Variants in PIGG observed in about 807,000 individuals in gnomAD.
PIGG encodes the protein phosphatidylinositol glycan anchor biosynthesis class G (EMM blood group).
PIGG carries 70 observed loss-of-function variants against 83.2 expected under a neutral mutation model. That is an observed-to-expected ratio of 0.84 (90% CI 0.69 to 1.03). PIGG has a LOEUF of 1.03. Ranked by LOEUF, PIGG falls within the 50% of genes least tolerant of loss-of-function variation. The pLI is 0.00. For missense variants in PIGG, 1,257 were observed against 1,233.6 expected (o/e 1.02, Z -0.28); for synonymous variants, 532 against 519.5 (o/e 1.02, Z -0.33).
At chr4:507,951 C>T (rs1720405535) in intron 4 of PIGG, among the ~76,000 whole-genome samples, 1 of 151,366 alleles carries the variant, frequency 6.6e-6, no homozygotes, top group Non-Finnish European at 1.5e-5. Flanking sequence ...GTGTCACTCT[C>T]TCTTCTGTGT....
At chr4:537,291 G>A (rs1259263568) in intron 12 of PIGG, 4 of 152,022 alleles carry the variant, frequency 2.6e-5, no homozygotes, top group South Asian at 2.1e-4. Flanking sequence ...CTGGCACCCC[G>A]GGCTGCCTGC....
chr4:509,593 G>C (rs1283946869), intron 5 of PIGG, among the ~76,000 whole-genome samples: 1 of 152,250 alleles, frequency 6.6e-6, no homozygotes, highest in African/African-American at 2.4e-5. Flanking sequence ...TCTGCCGTCA[G>C]GCACAGCAGA....
At chr4:510,571 G>A (rs1721563371) in intron 5 of PIGG, among the ~76,000 whole-genome samples, 1 of 152,228 alleles carries the variant, frequency 6.6e-6, no homozygotes, top group African/African-American at 2.4e-5. Flanking sequence ...CATCTTGAAT[G>A]TCTGACCTGA....
At chr4:519,360 G>A (rs1247065162) in intron 6 of PIGG, among the ~76,000 whole-genome samples, 3 of 152,226 alleles carry the variant, frequency 2.0e-5, no homozygotes, top group African/African-American at 2.4e-5. Flanking sequence ...TATTTGTTTC[G>A]ATGCATGCAC....
chr4:533,982 G>T lies in PIGG; in HGVS notation c.2735+1G>T. 3 of 1,613,786 alleles carry T rather than the reference G, an allele frequency of 1.9e-6. No homozygotes were observed. The highest frequency in any genetic ancestry group is 2.5e-6 in the Non-Finnish European group (3 of 1,179,684). ...ACTTCCTGAGCTCAGAAACACGCAG[G>T]TGAGGCGCCTCTCTGCCGTCAGCAC... On this transcript the variant is annotated splice_donor_variant, in intron 12 of 12. Coordinates refer to ENST00000453061, the MANE Select transcript of PIGG (RefSeq NM_001127178.3). LOFTEE classifies it high-confidence loss of function.
chr4:530,069 T>TTA (rs1269572315), intron 10 of PIGG, among the ~76,000 whole-genome samples: 4 of 152,252 alleles, frequency 2.6e-5, no homozygotes, highest in East Asian at 1.9e-4. Flanking sequence ...GAGTTGACTC[T>TTA]TATACTAGTG....
intron 6 of PIGG, among the ~76,000 whole-genome samples, chr4:519,223 C>T (rs1271218878): frequency 6.6e-6 from 1 of 152,164 alleles, no homozygotes; most frequent in Non-Finnish European, 1.5e-5. Flanking sequence ...TGCGTGCGTG[C>T]GTGTCTGTGA....
chr4:526,025 C>T (rs532517795), intron 9 of PIGG, among the ~76,000 whole-genome samples: 32 of 152,128 alleles, frequency 2.1e-4, no homozygotes, highest in African/African-American at 7.2e-4. Context: ...GCTGGCTTTC[C>T]GCCCCACATG....
chr4:507,015 C>T (rs915965537), intron 3 of PIGG: 7 of 306,904 alleles, frequency 2.3e-5, no homozygotes, highest in Non-Finnish European at 4.7e-5. Context: ...TCAGAAGAAC[C>T]CTTGCTCATT....
rs781958771 is a variant in PIGG, at chr4:507,525, C to T, written c.691C>T (p.Leu231=). The T allele has an allele frequency of 3.8e-5, 61 of 1,614,062 alleles. No homozygotes were observed. Among genetic ancestry groups the T allele is most frequent in the Non-Finnish European group, 4.9e-5 (58 of 1,179,988 alleles). The change falls in exon 4 of 13, where the codon CTG becomes TTG. Residue 231 remains leucine (L), a synonymous_variant. Transcript: ENST00000453061. ...IGHISGPNSP[L]IGQKLSEMDS... Reference sequence around the variant, plus strand: ...CCACATTTCAGGGCCCAACAGCCCCCTGATTGGGCAGAAGCTGAGCGAGAT... The same window carrying T: ...CCACATTTCAGGGCCCAACAGCCCCTTGATTGGGCAGAAGCTGAGCGAGAT...
intron 9 of PIGG, among the ~76,000 whole-genome samples, 172 bp downstream of exon 9, chr4:524,085 A>C (rs553201259): frequency 1.3e-5 from 2 of 152,390 alleles, no homozygotes; most frequent in East Asian, 3.9e-4. Context: ...GGATACTAGA[A>C]TCAATGTTGA....
intron 6 of PIGG, 119 bp downstream of exon 6, chr4:516,304 C>G: frequency 1.5e-6 from 1 of 675,954 alleles, no homozygotes; most frequent in Non-Finnish European, 2.6e-6. Flanking sequence ...CATCACTACT[C>G]TTTGATGATA....
chr4:522,272 C>T (rs988097240), intron 8 of PIGG: 23 of 555,238 alleles, frequency 4.1e-5, no homozygotes, highest in South Asian at 8.9e-5. Context: ...GTGTGTGAAT[C>T]GGACAGCCTC....
intron 5 of PIGG, among the ~76,000 whole-genome samples, chr4:511,224 C>T (rs369352177): frequency 5.8e-4 from 84 of 143,910 alleles, no homozygotes; most frequent in Non-Finnish European, 8.0e-4. Flanking sequence ...GCCCAGGAGG[C>T]GGAGGTTGCA....
chr4:529,420 T>C (rs1728494761), intron 10 of PIGG, among the ~76,000 whole-genome samples: 1 of 152,186 alleles, frequency 6.6e-6, no homozygotes, highest in South Asian at 2.1e-4. Flanking sequence ...TGGTATACAG[T>C]GCTCAGGCTG....
In PIGG at chr4:518,928, G is replaced by A. The variant is rs567343291; in HGVS notation, c.1115-2128G>A. Among the ~76,000 whole-genome samples the A allele has an allele frequency of 1.4e-4, 22 of 152,224 alleles. No homozygotes were observed. In the South Asian group the frequency reaches 3.9e-3, roughly 27 times the overall value. ...TCTGTTGGAGGCTTTGTGCCCACCC[G>A]GCTCTCTCAGTGTAGTGGGACCGGC... On this transcript the variant is annotated intron_variant, in intron 6 of 12. Coordinates refer to ENST00000453061, the MANE Select transcript of PIGG (RefSeq NM_001127178.3).
At position 507,567 on chromosome 4, in the gene PIGG, A is replaced by C; in HGVS notation, c.733A>C (p.Lys245Gln). The change falls in exon 4 of 13, where the codon AAG becomes CAG. Residue 245 changes from lysine to glutamine, a missense_variant. Lys to Gln is a moderately conservative substitution (Grantham distance 53, BLOSUM62 1). Transcript: ENST00000453061. ...GAGCGAGATGGACAGCGTGCTGATG[A>C]AGATCCACACCTCACTGCAGTCGAA... ...KLSEMDSVLM[K>Q]IHTSLQSKER... 1 of 1,612,846 alleles carries C rather than the reference A, an allele frequency of 6.2e-7. No homozygotes were observed. Among genetic ancestry groups the C allele is most frequent in the African/African-American group, 1.3e-5 (1 of 74,864 alleles).
At chr4:537,695 C>T (rs770211894) in intron 12 of PIGG, among the ~76,000 whole-genome samples, 6 of 152,140 alleles carry the variant, frequency 3.9e-5, no homozygotes, top group Admixed American at 6.5e-5. Flanking sequence ...ACCGGGAGAT[C>T]CCAGGGTCTG....
chr4:521,907 C>G lies in PIGG; in HGVS notation c.1580C>G (p.Thr527Ser). Reference protein sequence around the residue: ...ALLCVIVSVLTNVLVGGNTPR... With the variant: ...ALLCVIVSVLSNVLVGGNTPR... The stretch of plus-strand genomic sequence containing the variant: ...CTGTGTGTGATTGTGTCTGTTCTGA[C>G]CAACGTGCTCGTGGGTGGAAACACC... The change falls in exon 8 of 13, where the codon ACC becomes AGC. Residue 527 changes from threonine to serine, a missense_variant. Transcript: ENST00000453061. 2 of 1,614,182 alleles carry G rather than the reference C, an allele frequency of 1.2e-6. No homozygotes were observed. The highest frequency in any genetic ancestry group is 1.7e-6 in the Non-Finnish European group (2 of 1,180,050).
Sources: allele counts gnomAD v4.1 joint callset (sites outside exome capture counted in the v4.1 genomes callset), GRCh38; gene constraint gnomAD v4.1.1; transcripts MANE v1.5; gene names NCBI Gene and HGNC (gene_info 2026-07-23, HGNC 2026-07-21).